The following USP38 variants were observed in gnomAD, a reference collection of about 807,000 sequenced individuals.
USP38 encodes the protein ubiquitin carboxyl-terminal hydrolase 38.
A neutral mutation model predicts 94.3 loss-of-function variants in USP38; 49 were observed. The ratio of observed to expected loss-of-function variants is 0.52; its 90% CI spans 0.41 to 0.66. The LOEUF (loss-of-function observed/expected upper bound fraction) is 0.66. Among genes scored for constraint, USP38 ranks in the 30% least tolerant of loss-of-function variants. USP38 has a pLI of 0.00. For synonymous variants in USP38, 468 were observed against 463.6 expected, an observed-to-expected ratio of 1.01 and a Z score of -0.12; for missense variants, 1,128 against 1,229.4, an observed-to-expected ratio of 0.92 and a Z score of 1.23.
chr4:143,206,330 A>T (rs543009129), intron 6 of USP38, 104 bp downstream of exon 6: 2 of 995,226 alleles, frequency 2.0e-6, no homozygotes, highest in African/African-American at 3.3e-5. Flanking sequence ...TATAAATGGC[A>T]TAAATGTTAA....
At chr4:143,202,100 AC>A (rs1349307468) in intron 4 of USP38, among the ~76,000 whole-genome samples, 2 of 151,342 alleles carry the variant, frequency 1.3e-5, no homozygotes, top group Non-Finnish European at 2.9e-5. Context: ...TGGATTTCTG[AC>A]TTTTAGCAAG....
In USP38 at chr4:143,220,422, G is replaced by T. The variant is rs1732293456; in HGVS notation, c.3095G>T (p.Gly1032Val). 6.8e-6 allele frequency: 11 copies of T among 1,613,206 alleles called. No homozygotes were observed. Among genetic ancestry groups the T allele is most frequent in the Non-Finnish European group, 8.5e-6 (10 of 1,179,502 alleles). ...SCGPTGGGGGGGFNTVGRLVF is the reference protein window; with the variant it reads ...SCGPTGGGGGVGFNTVGRLVF ...GGACCAACTGGTGGAGGGGGTGGAG[G>T]AGGATTTAATACAGTTGGCAGACTC... Residue 1032 changes from glycine to valine, a missense_variant, in exon 10 of 10, where the codon GGA (glycine) becomes GTA (valine). Gly to Val is a moderately radical substitution (Grantham distance 109, BLOSUM62 -3). Transcript: ENST00000307017.
At chr4:143,197,100 T>TA (rs1731572358) in intron 3 of USP38, among the ~76,000 whole-genome samples, 1 of 152,210 alleles carries the variant, frequency 6.6e-6, no homozygotes, top group Non-Finnish European at 1.5e-5. Context: ...TTCCCACTGT[T>TA]ACTGCCTCGG....
intron 1 of USP38, 92 bp downstream of exon 1, chr4:143,186,224 T>A: frequency 7.4e-7 from 1 of 1,347,410 alleles, no homozygotes; most frequent in Non-Finnish European, 1.0e-6. Context: ...CCTCCTGCCC[T>A]AAAAACATTC....
chr4:143,185,560 A>C lies in USP38; in HGVS notation c.110A>C (p.Gln37Pro). The C allele has an allele frequency of 6.2e-7, 1 of 1,614,130 alleles. No individual in the cohort carries two copies. The highest frequency in any genetic ancestry group is 8.5e-7 in the Non-Finnish European group (1 of 1,180,002). ...GCGGAGCACTGGCTAGACGAGGCGC[A>C]GTGCGAGGCCATGTTTGACCTGACG... is the stretch of plus-strand genomic sequence containing the variant. ...ESAEHWLDEA[Q>P]CEAMFDLTTR... The change falls in exon 1 of 10, where the codon CAG (glutamine) becomes CCG (proline). Residue 37 changes from glutamine to proline, a missense_variant. Transcript: ENST00000307017.
At chr4:143,217,947 A>T (rs572370911) in intron 9 of USP38, among the ~76,000 whole-genome samples, 1 of 152,124 alleles carries the variant, frequency 6.6e-6, no homozygotes, top group Non-Finnish European at 1.5e-5. Flanking sequence ...TCCAGCTTCC[A>T]TTAGGAGTAT....
intron 9 of USP38, 186 bp downstream of exon 9, chr4:143,215,129 A>G (rs1196899118): frequency 1.6e-6 from 1 of 622,984 alleles, no homozygotes; most frequent in East Asian, 2.9e-5. Context: ...AATTTAAATG[A>G]AAAGTGGCAA....
intron 2 of USP38, among the ~76,000 whole-genome samples, chr4:143,192,071 A>G (rs541368312): frequency 6.6e-6 from 1 of 152,232 alleles, no homozygotes; most frequent in Admixed American, 6.5e-5. Context: ...CTATTATTTG[A>G]TAACTGTGTA....
chr4:143,193,205 A>G (rs1276873362), intron 2 of USP38, among the ~76,000 whole-genome samples: 1 of 152,170 alleles, frequency 6.6e-6, no homozygotes, highest in African/African-American at 2.4e-5. Context: ...TTTTTTAAAA[A>G]AACTGCAGTG....
intron 9 of USP38, among the ~76,000 whole-genome samples, chr4:143,215,906 C>G (rs893553946): frequency 6.6e-6 from 1 of 151,964 alleles, no homozygotes; most frequent in Non-Finnish European, 1.5e-5. Flanking sequence ...AATAGAAAAT[C>G]AGAATATTTG....
At chr4:143,197,189 C>T (rs528267574) in intron 3 of USP38, among the ~76,000 whole-genome samples, 7 of 152,344 alleles carry the variant, frequency 4.6e-5, no homozygotes, top group South Asian at 4.1e-4. Flanking sequence ...TTTGCAATGC[C>T]GTTTGCCCTG....
At position 143,214,352 on chromosome 4, in the gene USP38, G is replaced by A. The variant is rs772518905; in HGVS notation, c.2376G>A (p.Leu792=). 5.6e-6 allele frequency: 9 copies of A among 1,613,550 alleles called. No homozygotes were observed. The highest frequency in any genetic ancestry group is 7.6e-6 in the Non-Finnish European group (9 of 1,179,790). Residue 792 remains leucine, a synonymous_variant, in exon 9 of 10, where the codon TTG becomes TTA. Coordinates refer to ENST00000307017, the MANE Select transcript of USP38 (RefSeq NM_032557.6). ...DNVSLPLVLE[L]PVKRITSFSS... ...TATCACTGCCACTGGTTTTGGAGTT[G>A]CCAGTTAAAAGAATTACTTCTTTCT... is the stretch of plus-strand genomic sequence containing the variant.
At position 143,214,999 on chromosome 4, in the gene USP38, A is replaced by C. The variant is rs753057349; in HGVS notation, c.2967+56A>C. ...AAAATATTAAACAATTGACACAGTT[A>C]AATGAGTACCCTCATTTTGAAATCT... On this transcript the variant is annotated intron_variant, in intron 9 of 9. Transcript: ENST00000307017. 4.7e-6 allele frequency: 7 copies of C among 1,491,038 alleles called. No individual in the cohort carries two copies. In the Admixed American group the frequency reaches 1.2e-4, roughly 26 times the overall value. The allele number at this position is 1,491,038 out of a possible 1,614,324, so 92.4% of individuals were successfully genotyped here.
At chr4:143,186,838 C>T (rs1731240973) in intron 1 of USP38, among the ~76,000 whole-genome samples, 1 of 152,176 alleles carries the variant, frequency 6.6e-6, no homozygotes, top group Non-Finnish European at 1.5e-5. Flanking sequence ...CTGTCTTGGA[C>T]CTTTCAGGTC....
chr4:143,192,834 A>G (rs890254167), intron 2 of USP38, among the ~76,000 whole-genome samples: 2 of 152,190 alleles, frequency 1.3e-5, no homozygotes, highest in African/African-American at 2.4e-5. Context: ...GTTTATTTAT[A>G]GGTGGTCAGG....
rs1363359283 is a variant in USP38 at position 143,205,891 on chromosome 4, CT to C, written c.1210-141del. The C allele has an allele frequency of 1.1e-5, 6 of 548,006 alleles. No individual in the cohort carries two copies. In the African/African-American group the frequency reaches 1.2e-4, roughly 11 times the overall value. The allele number at this position is 548,006 out of a possible 1,614,324, so 33.9% of individuals were successfully genotyped here. ...TGATATTTTCATGACTAGCCAAGTA[CT>C]GCCAGTTACTTCAAAACTAAGTGGG... is the stretch of plus-strand genomic sequence containing the variant. On this transcript the variant is annotated intron_variant, in intron 5 of 9. Coordinates refer to ENST00000307017, the MANE Select transcript of USP38 (RefSeq NM_032557.6).
In USP38 at chr4:143,221,007, CTG is replaced by C. The variant is rs1046314895; in HGVS notation, c.*555_*556del. The C allele has an allele frequency of 6.6e-6, 1 of 152,460 alleles. No individual in the cohort carries two copies. Among genetic ancestry groups the C allele is most frequent in the Non-Finnish European group, 1.5e-5 (1 of 67,996 alleles). 9.4% of individuals were successfully genotyped at this position (152,460 alleles called of 1,614,324 possible). Reference sequence around the variant, plus strand: ...TTTTTGTTTAGTGTCTTCAGCATCACTGTGTCTGTATTTCAAGTACAAATGTT... The same window carrying C: ...TTTTTGTTTAGTGTCTTCAGCATCACTGTCTGTATTTCAAGTACAAATGTT... On this transcript the variant is annotated 3_prime_UTR_variant, in exon 10 of 10. Coordinates refer to ENST00000307017, the MANE Select transcript of USP38 (RefSeq NM_032557.6).
At chr4:143,192,383 C>T (rs984231345) in intron 2 of USP38, among the ~76,000 whole-genome samples, 2 of 152,008 alleles carry the variant, frequency 1.3e-5, no homozygotes, top group African/African-American at 2.4e-5. Context: ...AGGCTGGTCT[C>T]GAACTTCTGA....
Position 143,185,425 on chromosome 4 carries a change from G to A in USP38, c.-26G>A, listed in dbSNP as rs746435643. ...TGCCGCCACCCGCTCCTTATCCCCTGGCCCTGGCCTTGCAGCGTGGCGACA... is the reference window on the plus strand; with the variant it reads ...TGCCGCCACCCGCTCCTTATCCCCTAGCCCTGGCCTTGCAGCGTGGCGACA... On this transcript the variant is annotated 5_prime_UTR_variant, in exon 1 of 10. Coordinates refer to ENST00000307017, the MANE Select transcript of USP38 (RefSeq NM_032557.6). 17 of 1,552,108 alleles carry A rather than the reference G, an allele frequency of 1.1e-5. No homozygotes were observed. The South Asian group carries it at 2.1e-4, about 19-fold the overall frequency.
Sources: gnomAD v4.1 joint callset for allele counts (sites outside exome capture counted in the v4.1 genomes callset) on GRCh38, gnomAD v4.1.1 for gene constraint, MANE v1.5 for transcripts, NCBI Gene and HGNC (gene_info 2026-07-23, HGNC 2026-07-21) for gene names.